Variants in DUS2 observed in about 807,000 individuals in gnomAD.
The protein encoded by DUS2 is dihydrouridine synthase 2, also known as tRNA-dihydrouridine(20) synthase [NAD(P)+]-like.
Under a neutral mutation model 71.3 loss-of-function variants are expected in DUS2, and 52 were observed. That is an observed-to-expected ratio of 0.73 (90% CI 0.58 to 0.92). The LOEUF is 0.92. Among genes scored for constraint, DUS2 ranks in the 40% least tolerant of loss-of-function variants. The pLI is 0.00. For missense variants in DUS2, 558 were observed against 622.6 expected (o/e 0.90, Z 1.10); for synonymous variants, 204 against 227.8 (o/e 0.90, Z 0.94).
intron 13 of DUS2, 88 bp downstream of exon 13, chr16:68,074,243 A>G: frequency 1.3e-6 from 2 of 1,519,754 alleles, no homozygotes; most frequent in South Asian, 1.2e-5. Context: ...CCAGGGGACC[A>G]GGGACACAGC....
At chr16:68,053,685 T>A in intron 5 of DUS2, 30 bp downstream of exon 5, 1 of 1,610,734 alleles carries the variant, frequency 6.2e-7, no homozygotes, top group Non-Finnish European at 8.5e-7. Context: ...CATGCCCTCC[T>A]GAGGCTCACC....
chr16:68,037,923 TGAA>T, intron 2 of DUS2, 80 bp from the exon 3 acceptor site: 2 of 1,404,114 alleles, frequency 1.4e-6, no homozygotes, highest in Non-Finnish European at 2.0e-6. Flanking sequence ...GCTGGAACCT[TGAA>T]GAAGGGAAGC....
intron 14 of DUS2, 69 bp downstream of exon 14, chr16:68,075,573 C>T (rs761790984): frequency 2.0e-4 from 287 of 1,466,236 alleles, no homozygotes; most frequent in Non-Finnish European, 2.6e-4. Context: ...GGCCAGCACA[C>T]TGGCTGCTGT....
At chr16:68,025,966 T>C (rs1339124984) in intron 2 of DUS2, among the ~76,000 whole-genome samples, 2 of 152,088 alleles carry the variant, frequency 1.3e-5, no homozygotes, top group African/African-American at 4.8e-5. Context: ...ATCCCTGCCC[T>C]TGTGGAGTTT....
chr16:68,062,155 C>A (rs1021075810), intron 8 of DUS2, among the ~76,000 whole-genome samples: 2 of 152,048 alleles, frequency 1.3e-5, no homozygotes, highest in African/African-American at 4.8e-5. Context: ...GGATTACAGG[C>A]GCCCACGACG....
chr16:68,029,836 C>T (rs1175933779), intron 2 of DUS2, among the ~76,000 whole-genome samples: 1 of 151,668 alleles, frequency 6.6e-6, no homozygotes, highest in Non-Finnish European at 1.5e-5. Flanking sequence ...GATGCAGTGG[C>T]TCACGCCTGT....
intron 2 of DUS2, among the ~76,000 whole-genome samples, chr16:68,029,866 G>T (rs2033412564): frequency 1.3e-5 from 2 of 151,482 alleles, no homozygotes; most frequent in South Asian, 2.1e-4. Context: ...ACTTTGGGAG[G>T]CTGAGGCAGG....
chr16:68,035,437 T>G (rs544073228), intron 2 of DUS2, among the ~76,000 whole-genome samples: 1 of 152,156 alleles, frequency 6.6e-6, no homozygotes, highest in Non-Finnish European at 1.5e-5. Context: ...GACTGGAGTT[T>G]AGCGGTATTA....
intron 2 of DUS2, among the ~76,000 whole-genome samples, chr16:68,034,699 T>C (rs1037860368): frequency 6.6e-6 from 1 of 152,060 alleles, no homozygotes; most frequent in Admixed American, 6.6e-5. Flanking sequence ...CATATTTGGT[T>C]AGAATAAATC....
intron 2 of DUS2, among the ~76,000 whole-genome samples, chr16:68,031,517 G>A (rs1227688877): frequency 2.6e-5 from 4 of 152,052 alleles, no homozygotes; most frequent in Non-Finnish European, 5.9e-5. Context: ...GCCAATAAAA[G>A]CTTCCTTTTC....
chr16:68,043,824 C>T (rs191636567), intron 3 of DUS2, among the ~76,000 whole-genome samples: 2 of 152,212 alleles, frequency 1.3e-5, no homozygotes, highest in Admixed American at 1.3e-4. Flanking sequence ...GCCCCCATGC[C>T]TGCTTAATTT....
chr16:68,071,211 T>C, intron 12 of DUS2, 103 bp downstream of exon 12: 1 of 1,297,058 alleles, frequency 7.7e-7, no homozygotes, highest in Non-Finnish European at 1.1e-6. Flanking sequence ...TGCTTGCTGT[T>C]CCTCTCCTTT....
Position 68,076,679 on chromosome 16 carries a change from G to A in DUS2, c.1130G>A (p.Trp377Ter). 1 of 1,614,126 alleles carries A rather than the reference G, an allele frequency of 6.2e-7. No individual in the cohort carries two copies. Among genetic ancestry groups the A allele is most frequent in the East Asian group, 2.2e-5 (1 of 44,874 alleles). Residue 377 changes from tryptophan to a stop codon, truncating the protein, a stop_gained, in exon 15 of 17, where the codon TGG (tryptophan) becomes TAG (stop). Transcript: ENST00000565263. LOFTEE classifies it high-confidence loss of function. ...ACCCCTAAGATGTGCCTACTAGAGT[G>A]GTGCCGGAGGGAGAAGTTGGCACAG... ...QITPKMCLLEWCRREKLAQPV... is the reference protein window; with the variant it reads ...QITPKMCLLE
chr16:68,041,774 C>T (rs556706503), intron 3 of DUS2, among the ~76,000 whole-genome samples: 3 of 147,002 alleles, frequency 2.0e-5, no homozygotes, highest in South Asian at 2.1e-4. Context: ...TGCGCCATTG[C>T]ACTCCAGCCT....
rs951255858 is a variant in DUS2, at chr16:68,078,627, GC to G, written c.1244+110del. ...AGGGTTGGGTAGATGGTATATGTGGGCAGTGGCATCCCTGGATGGTGACCCC... is the reference window on the plus strand; with the variant it reads ...AGGGTTGGGTAGATGGTATATGTGGGAGTGGCATCCCTGGATGGTGACCCC... On this transcript the variant is annotated intron_variant, in intron 16 of 16. Coordinates refer to ENST00000565263, the MANE Select transcript of DUS2 (RefSeq NM_017803.5). 2.8e-5 allele frequency: 41 copies of G among 1,484,858 alleles called. No homozygotes were observed. In the African/African-American group the frequency reaches 4.4e-4, roughly 16 times the overall value. 92.0% of individuals were successfully genotyped at this position (1,484,858 alleles called of 1,614,324 possible). A position where few individuals can be genotyped will look rare whatever the true frequency, so the allele number is the denominator to read the frequency against.
At chr16:68,073,911 G>C in intron 12 of DUS2, 123 bp from the exon 13 acceptor site, 4 of 1,232,100 alleles carry the variant, frequency 3.2e-6, no homozygotes, top group East Asian at 4.8e-5. Context: ...TCTTATGGGG[G>C]TCACATTGCC....
chr16:68,057,833 T>C (rs924358295), intron 7 of DUS2, among the ~76,000 whole-genome samples: 2 of 140,310 alleles, frequency 1.4e-5, no homozygotes, highest in Non-Finnish European at 3.0e-5. Flanking sequence ...GTGAGCAAGA[T>C]CATGCCACTG....
At chr16:68,076,122 C>T (rs1200539372) in intron 14 of DUS2, among the ~76,000 whole-genome samples, 1 of 152,076 alleles carries the variant, frequency 6.6e-6, no homozygotes. Flanking sequence ...GAATATGACC[C>T]CTCCCACCCT....
Position 68,079,065 on chromosome 16 carries a change from C to T in DUS2, c.*79C>T, listed in dbSNP as rs1469246022. The T allele has an allele frequency of 1.1e-5, 14 of 1,273,050 alleles. No homozygotes were observed. The highest frequency in any genetic ancestry group is 1.6e-5 in the South Asian group (1 of 61,666). 78.9% of individuals were successfully genotyped at this position (1,273,050 alleles called of 1,614,324 possible). Reference sequence around the variant, plus strand: ...GGATGCCACAGCATGAACCAGATGCCGTTGAACAGTTTGCTGGTCTTGCCT... The same window carrying T: ...GGATGCCACAGCATGAACCAGATGCTGTTGAACAGTTTGCTGGTCTTGCCT... On this transcript the variant is annotated 3_prime_UTR_variant, in exon 17 of 17. Coordinates refer to ENST00000565263, the MANE Select transcript of DUS2 (RefSeq NM_017803.5).
Sources: gnomAD v4.1 joint callset for allele counts (sites outside exome capture counted in the v4.1 genomes callset) on GRCh38, gnomAD v4.1.1 for gene constraint, MANE v1.5 for transcripts, NCBI Gene and HGNC (gene_info 2026-07-23, HGNC 2026-07-21) for gene names.